Variants in FRMD4A observed in about 807,000 individuals in gnomAD.
FRMD4A encodes the protein FERM domain-containing protein 4A.
In FRMD4A, 29 loss-of-function variants were observed where a neutral mutation model predicts 129.1. That is an observed-to-expected ratio of 0.22 (90% confidence interval 0.17 to 0.31). FRMD4A has a LOEUF of 0.31. Ranked by LOEUF, FRMD4A falls within the 10% of genes least tolerant of loss-of-function variation. FRMD4A has a pLI of 1.00. For synonymous variants in FRMD4A, 634 were observed against 571.6 expected (o/e 1.11, Z -1.56); for missense variants, 1,272 against 1,375.8 (o/e 0.92, Z 1.19).
intron 2 of FRMD4A, among the ~76,000 whole-genome samples, chr10:14,175,590 T>C (rs1564364415): frequency 6.7e-6 from 1 of 149,954 alleles, no homozygotes; most frequent in Non-Finnish European, 1.5e-5. Flanking sequence ...GGTGCAATGA[T>C]GATGGCTCAC....
intron 15 of FRMD4A, chr10:13,684,736 A>C: frequency 4.3e-5 from 42 of 985,112 alleles, no homozygotes; most frequent in Non-Finnish European, 4.8e-5. Context: ...CACTGATTTC[A>C]GAAGACAGAG....
At chr10:13,820,111 A>G (rs2093607670) in intron 3 of FRMD4A, among the ~76,000 whole-genome samples, 2 of 152,190 alleles carry the variant, frequency 1.3e-5, no homozygotes, top group Admixed American at 1.3e-4. Flanking sequence ...GAGGAACCCC[A>G]GTCACTAGAA....
At chr10:13,974,066 C>T (rs868271696) in intron 2 of FRMD4A, among the ~76,000 whole-genome samples, 20 of 145,496 alleles carry the variant, frequency 1.4e-4, no homozygotes, top group African/African-American at 4.4e-4. Flanking sequence ...CTTGCTCAGT[C>T]GCCCAGGCTG....
At chr10:13,757,376 A>G (rs1284931994) in intron 8 of FRMD4A, among the ~76,000 whole-genome samples, 1 of 152,224 alleles carries the variant, frequency 6.6e-6, no homozygotes, top group Non-Finnish European at 1.5e-5. Context: ...AGATAAGACT[A>G]TTTCCTAAAC....
intron 5 of FRMD4A, among the ~76,000 whole-genome samples, chr10:13,785,743 G>T (rs879784764): frequency 9.2e-5 from 14 of 152,012 alleles, no homozygotes; most frequent in Non-Finnish European, 1.8e-4. Context: ...TTTACATTAG[G>T]TATGTCTCCT....
intron 2 of FRMD4A, among the ~76,000 whole-genome samples, chr10:14,217,004 TG>T (rs1843094503): frequency 6.6e-6 from 1 of 152,176 alleles, no homozygotes; most frequent in African/African-American, 2.4e-5. Context: ...GGGAACATGC[TG>T]GGAAGTCCTC....
At chr10:14,160,837 T>C (rs1487051615) in intron 2 of FRMD4A, among the ~76,000 whole-genome samples, 1 of 152,186 alleles carries the variant, frequency 6.6e-6, no homozygotes, top group Admixed American at 6.5e-5. Flanking sequence ...CCATTTAGAA[T>C]GGGGTTATCA....
chr10:14,017,753 A>T (rs1224367110), intron 2 of FRMD4A, among the ~76,000 whole-genome samples: 1 of 152,142 alleles, frequency 6.6e-6, no homozygotes, highest in South Asian at 2.1e-4. Flanking sequence ...TCAACTGTCC[A>T]TTTGCTCATG....
At chr10:13,723,516 A>T (rs1478002773) in intron 12 of FRMD4A, among the ~76,000 whole-genome samples, 1 of 152,190 alleles carries the variant, frequency 6.6e-6, no homozygotes, top group Non-Finnish European at 1.5e-5. Context: ...AGTTCTGAAG[A>T]TCTGTTGCGC....
At chr10:14,151,715 C>T (rs1365081046) in intron 2 of FRMD4A, among the ~76,000 whole-genome samples, 4 of 152,126 alleles carry the variant, frequency 2.6e-5, no homozygotes, top group Non-Finnish European at 5.9e-5. Flanking sequence ...TTCCTGCAGC[C>T]CTTTCTGCCT....
At chr10:14,225,355 G>A (rs752928793) in intron 2 of FRMD4A, among the ~76,000 whole-genome samples, 2 of 152,218 alleles carry the variant, frequency 1.3e-5, no homozygotes, top group African/African-American at 4.8e-5. Flanking sequence ...TTAAAGCAGA[G>A]AGACACCAAA....
chr10:13,679,474 T>TATATATATATACAC (rs1308155926), intron 15 of FRMD4A, among the ~76,000 whole-genome samples: 3 of 31,490 alleles, frequency 9.5e-5, no homozygotes, highest in Admixed American at 5.3e-4. Context: ...TATATATATA[T>TATATATATATACAC]ACACACACAC....
At chr10:14,029,063 G>A (rs1441712163) in intron 2 of FRMD4A, among the ~76,000 whole-genome samples, 3 of 152,170 alleles carry the variant, frequency 2.0e-5, no homozygotes, top group African/African-American at 7.2e-5. Flanking sequence ...CACTCTATAC[G>A]GTAGGCAAAC....
intron 2 of FRMD4A, among the ~76,000 whole-genome samples, chr10:14,078,935 A>G (rs1234185982): frequency 6.6e-6 from 1 of 152,164 alleles, no homozygotes; most frequent in African/African-American, 2.4e-5. Flanking sequence ...CGAATTCTCC[A>G]CTGGAAAAGG....
At chr10:13,685,603 AG>A in intron 15 of FRMD4A, 2 of 984,212 alleles carry the variant, frequency 2.0e-6, no homozygotes, top group South Asian at 9.4e-5. Flanking sequence ...GCACTGCAAC[AG>A]AGGGCTGGCC....
At chr10:13,927,747 C>A (rs981752493) in intron 2 of FRMD4A, among the ~76,000 whole-genome samples, 3 of 152,096 alleles carry the variant, frequency 2.0e-5, no homozygotes, top group Non-Finnish European at 2.9e-5. Context: ...CATTTCATAA[C>A]AACATATGGA....
In FRMD4A at chr10:13,920,065, C is replaced by T. The variant is rs558346155; in HGVS notation, c.46-61153G>A. ...AGAACTTCAGAAACTATATCCCCCACCACAGTCCTAAATCTTTCCTGTCTC... is the reference window on the plus strand; with the variant it reads ...AGAACTTCAGAAACTATATCCCCCATCACAGTCCTAAATCTTTCCTGTCTC... On this transcript the variant is annotated intron_variant, in intron 2 of 24. Transcript: ENST00000357447. Among the ~76,000 whole-genome samples, 17 of 152,310 alleles carry T rather than the reference C, an allele frequency of 1.1e-4. No individual in the cohort carries two copies. The South Asian group carries it at 1.9e-3, about 17-fold the overall frequency.
At chr10:13,946,937 T>C (rs2095336339) in intron 2 of FRMD4A, among the ~76,000 whole-genome samples, 1 of 151,976 alleles carries the variant, frequency 6.6e-6, no homozygotes, top group Non-Finnish European at 1.5e-5. Context: ...ATGGGACAAA[T>C]GATTATAGAC....
In FRMD4A at chr10:14,316,857, G is replaced by A. The variant is rs11259006; in HGVS notation, c.45+13201C>T. On this transcript the variant is annotated intron_variant, in intron 2 of 24. Coordinates refer to ENST00000357447, the MANE Select transcript of FRMD4A (RefSeq NM_018027.5). ...CAACTCCATCCTGGACTTAATATGT[G>A]AACTAAAGAAGTGTCCTGTTTTAAA... is the stretch of plus-strand genomic sequence containing the variant. Among the ~76,000 whole-genome samples, 632 of 152,290 alleles carry A rather than the reference G, an allele frequency of 4.1e-3. 30 individuals are homozygous for A. In the East Asian group the frequency reaches 0.11, roughly 26 times the overall value.
Sources: allele counts gnomAD v4.1 joint callset (sites outside exome capture counted in the v4.1 genomes callset), GRCh38; gene constraint gnomAD v4.1.1; transcripts MANE v1.5; gene names NCBI Gene and HGNC (gene_info 2026-07-23, HGNC 2026-07-21).